GABRG3: variants seen among roughly 807,000 people sequenced by gnomAD.
GABRG3 encodes gamma-aminobutyric acid type A receptor subunit gamma3.
GABRG3 carries 25 observed loss-of-function variants against 48.8 expected under a neutral mutation model. That is an observed-to-expected ratio of 0.51 (90% CI 0.37 to 0.72). The LOEUF (loss-of-function observed/expected upper bound fraction) is 0.72, where lower values mean the gene tolerates loss of function less well. GABRG3 is among the 30% of genes least tolerant of loss of function. The probability of loss-of-function intolerance (pLI) is 0.00; values close to 1 mark genes in which losing one functional copy is unlikely to be tolerated. For missense variants in GABRG3, 394 were observed against 577.9 expected (o/e 0.68, Z 3.26); for synonymous variants, 227 against 217.6 (o/e 1.04, Z -0.38).
chr15:27,474,861 G>A (rs1352787686), intron 5 of GABRG3, among the ~76,000 whole-genome samples: 1 of 152,176 alleles, frequency 6.6e-6, no homozygotes, highest in Non-Finnish European at 1.5e-5. Flanking sequence ...GCTGGGTGCA[G>A]TGGTTCACGC....
At chr15:27,214,830 C>A (rs568236712) in intron 3 of GABRG3, among the ~76,000 whole-genome samples, 50 of 152,184 alleles carry the variant, frequency 3.3e-4, no homozygotes, top group African/African-American at 1.2e-3. Context: ...AGACTCATCT[C>A]CTTCTTTGGA....
At chr15:27,165,523 A>G (rs2192223) in intron 3 of GABRG3, among the ~76,000 whole-genome samples, 73,274 of 151,856 alleles carry the variant, frequency 0.48, 17,938 homozygotes, top group South Asian at 0.56. Context: ...TACATTCTCC[A>G]AAGATGTTCT....
At chr15:27,158,084 T>G (rs1261975043) in intron 3 of GABRG3, 7 of 152,246 alleles carry the variant, frequency 4.6e-5, no homozygotes, top group Non-Finnish European at 1.0e-4. Flanking sequence ...GTTTTTTCCT[T>G]TGCTTTCTTG....
Position 27,433,661 on chromosome 15 carries a change from AG to A in GABRG3, c.575-46988del, listed in dbSNP as rs533216961. 7.6e-4 allele frequency among the ~76,000 whole-genome samples: 116 copies of A among 152,194 alleles called. 3 individuals carry two copies. The South Asian group carries it at 0.022, about 29-fold the overall frequency. ...AACAGATGCCATGTAGCCCTCCATG[AG>A]TTTAGGGCTAGTATTGTATGTGTGT... On this transcript the variant is annotated intron_variant, in intron 5 of 9. Transcript: ENST00000615808.
chr15:27,375,888 C>CA (rs1271530836), intron 5 of GABRG3, among the ~76,000 whole-genome samples: 1 of 152,180 alleles, frequency 6.6e-6, no homozygotes, highest in African/African-American at 2.4e-5. Context: ...GCCTTCCCAA[C>CA]AGTCCCTGAA....
chr15:27,299,370 TAAAAC>T (rs1266915307), intron 3 of GABRG3, among the ~76,000 whole-genome samples: 1 of 152,146 alleles, frequency 6.6e-6, no homozygotes, highest in Non-Finnish European at 1.5e-5. Context: ...ACACTAAAAA[TAAAAC>T]AATAGGTGGA....
At chr15:27,289,608 A>G (rs1891732060) in intron 3 of GABRG3, among the ~76,000 whole-genome samples, 1 of 152,214 alleles carries the variant, frequency 6.6e-6, no homozygotes, top group South Asian at 2.1e-4. Context: ...TAATTGATCA[A>G]GTTGTATCCA....
At chr15:27,229,359 T>C (rs1256570667) in intron 3 of GABRG3, among the ~76,000 whole-genome samples, 2 of 152,230 alleles carry the variant, frequency 1.3e-5, no homozygotes. Context: ...GCTTGTTTTT[T>C]TCAGCTTTGT....
chr15:27,335,453 T>C (rs1893932683), intron 5 of GABRG3, among the ~76,000 whole-genome samples: 1 of 152,228 alleles, frequency 6.6e-6, no homozygotes, highest in South Asian at 2.1e-4. Context: ...TGAGAAATTG[T>C]AGCTCATTAT....
intron 3 of GABRG3, among the ~76,000 whole-genome samples, chr15:27,189,081 A>G (rs1888203212): frequency 6.6e-6 from 1 of 151,952 alleles, no homozygotes; most frequent in South Asian, 2.1e-4. Context: ...TGTTCCATTG[A>G]TCTATATCTC....
intron 3 of GABRG3, among the ~76,000 whole-genome samples, chr15:27,229,448 G>GT (rs200778520): frequency 0.046 from 6,525 of 141,286 alleles, 163 homozygotes; most frequent in Middle Eastern, 0.066. Flanking sequence ...GTGTGCCTAG[G>GT]TTTTTTGTGT....
chr15:27,369,498 G>A (rs1458791234), intron 5 of GABRG3, among the ~76,000 whole-genome samples: 1 of 152,160 alleles, frequency 6.6e-6, no homozygotes, highest in Non-Finnish European at 1.5e-5. Context: ...TATCTTTGGT[G>A]TATGAACATG....
intron 3 of GABRG3, among the ~76,000 whole-genome samples, chr15:27,183,000 T>C (rs1056500872): frequency 4.6e-5 from 7 of 152,218 alleles, no homozygotes; most frequent in African/African-American, 1.7e-4. Flanking sequence ...TTACGAATCA[T>C]TTTTAGCTTT....
intron 5 of GABRG3, among the ~76,000 whole-genome samples, chr15:27,343,531 T>C (rs1320369193): frequency 6.6e-6 from 1 of 152,250 alleles, no homozygotes. Flanking sequence ...TCCTGTGGGC[T>C]ACTGAATGCT....
At chr15:27,003,492 A>C (rs1339055201) in intron 2 of GABRG3, among the ~76,000 whole-genome samples, 2 of 152,046 alleles carry the variant, frequency 1.3e-5, no homozygotes, top group South Asian at 4.1e-4. Flanking sequence ...TAATCCATTT[A>C]ACCCTGAGTG....
At chr15:27,307,776 TTA>T (rs963845512) in intron 3 of GABRG3, among the ~76,000 whole-genome samples, 1 of 99,002 alleles carries the variant, frequency 1.0e-5, no homozygotes, top group African/African-American at 3.8e-5. Context: ...AAACATATGT[TTA>T]TATATAAACA....
chr15:27,521,915 A>G (rs1891169470), intron 7 of GABRG3, among the ~76,000 whole-genome samples: 1 of 152,076 alleles, frequency 6.6e-6, no homozygotes, highest in African/African-American at 2.4e-5. Flanking sequence ...CTGAGGTGAT[A>G]GTTAAAAGCA....
At chr15:27,127,119 A>G (rs1897834720) in intron 3 of GABRG3, among the ~76,000 whole-genome samples, 1 of 152,192 alleles carries the variant, frequency 6.6e-6, no homozygotes, top group Non-Finnish European at 1.5e-5. Flanking sequence ...TATACAAAAG[A>G]GTTAAAAACA....
At chr15:27,078,559 T>C (rs994950138) in intron 3 of GABRG3, among the ~76,000 whole-genome samples, 4 of 152,192 alleles carry the variant, frequency 2.6e-5, no homozygotes, top group African/African-American at 9.7e-5. Context: ...AATGGAAACA[T>C]ATGCCAGGCA....
Sources: gnomAD v4.1 joint callset for allele counts (sites outside exome capture counted in the v4.1 genomes callset) on GRCh38, gnomAD v4.1.1 for gene constraint, MANE v1.5 for transcripts, NCBI Gene and HGNC (gene_info 2026-07-23, HGNC 2026-07-21) for gene names.